The following NALF1 variants were observed in gnomAD, a reference collection of about 807,000 sequenced individuals.
The protein encoded by NALF1 is family with sequence similarity 155 member A.
In NALF1, 3 loss-of-function variants were observed where a neutral mutation model predicts 48.4. The observed-to-expected ratio is 0.06, with a 90% CI of 0.03 to 0.16. The LOEUF is 0.16. Among genes scored for constraint, NALF1 ranks in the 10% least tolerant of loss-of-function variants. NALF1 has a pLI of 1.00. For missense variants in NALF1, 526 were observed against 571.5 expected, an observed-to-expected ratio of 0.92 and a Z score of 0.81; for synonymous variants, 262 against 245.7, an observed-to-expected ratio of 1.07 and a Z score of -0.62.
intron 1 of NALF1, among the ~76,000 whole-genome samples, chr13:107,495,509 C>T (rs1452996652): frequency 1.3e-5 from 2 of 152,170 alleles, no homozygotes; most frequent in African/African-American, 4.8e-5. Context: ...TCCATACAGA[C>T]TATACATTCT....
intron 1 of NALF1, among the ~76,000 whole-genome samples, chr13:107,612,592 T>C (rs1285501422): frequency 6.6e-6 from 1 of 152,068 alleles, no homozygotes; most frequent in African/African-American, 2.4e-5. Context: ...AAGATCTCAA[T>C]AGAACAGAAA....
intron 1 of NALF1, among the ~76,000 whole-genome samples, chr13:107,515,201 C>T (rs1329310951): frequency 6.6e-6 from 1 of 152,172 alleles, no homozygotes; most frequent in Non-Finnish European, 1.5e-5. Context: ...AAGTACTACC[C>T]TCACAGAAAA....
At chr13:107,377,899 A>G (rs2138970860) in intron 1 of NALF1, among the ~76,000 whole-genome samples, 1 of 152,330 alleles carries the variant, frequency 6.6e-6, no homozygotes, top group South Asian at 2.1e-4. Flanking sequence ...TATGAATGAG[A>G]AATGAAACCA....
chr13:107,234,862 C>T (rs758929299), intron 1 of NALF1, among the ~76,000 whole-genome samples: 14 of 152,158 alleles, frequency 9.2e-5, no homozygotes, highest in Non-Finnish European at 1.9e-4. Context: ...GATTGACACA[C>T]AGAATCCCTT....
intron 1 of NALF1, among the ~76,000 whole-genome samples, chr13:107,517,026 C>T (rs772856350): frequency 2.6e-5 from 4 of 152,074 alleles, no homozygotes; most frequent in African/African-American, 4.8e-5. Flanking sequence ...CATTCATTTA[C>T]GTGGCCTAGG....
chr13:107,220,996 G>A (rs1366690500), intron 1 of NALF1, among the ~76,000 whole-genome samples: 2 of 152,104 alleles, frequency 1.3e-5, no homozygotes, highest in African/African-American at 4.8e-5. Flanking sequence ...AATTTCTTTT[G>A]CAGCAAGTTT....
At chr13:107,807,430 A>G (rs1878832217) in intron 1 of NALF1, among the ~76,000 whole-genome samples, 1 of 152,188 alleles carries the variant, frequency 6.6e-6, no homozygotes, top group African/African-American at 2.4e-5. Flanking sequence ...ACACACCAAT[A>G]TGTGAAAATT....
At chr13:107,209,530 G>A (rs1879715271) in intron 2 of NALF1, among the ~76,000 whole-genome samples, 1 of 151,926 alleles carries the variant, frequency 6.6e-6, no homozygotes, top group Non-Finnish European at 1.5e-5. Context: ...TACTCATCCA[G>A]TTCTTAGGGC....
chr13:107,836,534 G>A (rs1879893561), intron 1 of NALF1, among the ~76,000 whole-genome samples: 1 of 152,018 alleles, frequency 6.6e-6, no homozygotes, highest in South Asian at 2.1e-4. Context: ...TTCTGCTCAT[G>A]AGATGGGATT....
intron 1 of NALF1, among the ~76,000 whole-genome samples, chr13:107,725,937 G>C (rs369225935): frequency 2.0e-5 from 3 of 152,020 alleles, no homozygotes; most frequent in East Asian, 3.9e-4. Context: ...TGATCATAAA[G>C]ACTTTGGTGT....
intron 1 of NALF1, among the ~76,000 whole-genome samples, chr13:107,235,764 T>C (rs1880329184): frequency 6.6e-6 from 1 of 152,154 alleles, no homozygotes; most frequent in African/African-American, 2.4e-5. Flanking sequence ...GAAACACCAT[T>C]TTCAGGAACA....
At chr13:107,303,491 A>T (rs560919891) in intron 1 of NALF1, among the ~76,000 whole-genome samples, 1 of 152,274 alleles carries the variant, frequency 6.6e-6, no homozygotes, top group South Asian at 2.1e-4. Context: ...TCTTCATTTC[A>T]TGTTTGAGAT....
intron 1 of NALF1, among the ~76,000 whole-genome samples, chr13:107,822,314 A>AT (rs5806697): frequency 0.061 from 8,979 of 146,668 alleles, 344 homozygotes; most frequent in East Asian, 0.13. Context: ...ATGCAAAAGT[A>AT]TTTTTTTTTT....
chr13:107,395,798 C>T (rs767478732), intron 1 of NALF1, among the ~76,000 whole-genome samples: 6 of 152,176 alleles, frequency 3.9e-5, no homozygotes, highest in East Asian at 1.9e-4. Flanking sequence ...CATGTTTTCA[C>T]GTAATTTTCC....
intron 2 of NALF1, 141 bp from the exon 3 acceptor site, chr13:107,170,927 C>G (rs1171040736): frequency 1.4e-6 from 1 of 727,328 alleles, no homozygotes; most frequent in Admixed American, 2.7e-5. Context: ...CAAGTCAATG[C>G]AATTGGATAA....
chr13:107,173,056 A>G (rs1878838758), intron 2 of NALF1, among the ~76,000 whole-genome samples: 1 of 152,192 alleles, frequency 6.6e-6, no homozygotes, highest in Non-Finnish European at 1.5e-5. Context: ...TCCACAGAGT[A>G]TTTTACAAAA....
chr13:107,275,590 A>G (rs1020969126), intron 1 of NALF1, among the ~76,000 whole-genome samples: 7 of 152,118 alleles, frequency 4.6e-5, no homozygotes, highest in Admixed American at 1.3e-4. Context: ...TGGGTCCGGA[A>G]TCTGAATGTG....
rs1376720732 is a variant in NALF1, at chr13:107,630,830, T to C, written c.915+234852A>G. Among the ~76,000 whole-genome samples, 4 of 152,282 alleles carry C rather than the reference T, an allele frequency of 2.6e-5. No homozygotes were observed. In the East Asian group the frequency reaches 7.7e-4, roughly 29 times the overall value. ...GAAGATCAGTTGTTAAGCAGAAACG[T>C]TGAGGATTTATGCTTACTTGACTGG... On this transcript the variant is annotated intron_variant, in intron 1 of 2. Coordinates refer to ENST00000375915, the MANE Select transcript of NALF1 (RefSeq NM_001080396.3).
intron 1 of NALF1, among the ~76,000 whole-genome samples, chr13:107,819,538 A>G (rs1337698661): frequency 1.3e-5 from 2 of 152,204 alleles, no homozygotes; most frequent in Non-Finnish European, 2.9e-5. Context: ...GTACAATTCC[A>G]TTTATGTTCC....
Sources: allele counts gnomAD v4.1 joint callset (sites outside exome capture counted in the v4.1 genomes callset), GRCh38; gene constraint gnomAD v4.1.1; transcripts MANE v1.5; gene names NCBI Gene and HGNC (gene_info 2026-07-23, HGNC 2026-07-21).